EIF2B3: variants seen among roughly 807,000 people sequenced by gnomAD.
The protein encoded by EIF2B3 is translation initiation factor eIF2B subunit gamma.
A neutral mutation model predicts 54.1 loss-of-function variants in EIF2B3; 20 were observed. The ratio of observed to expected loss-of-function variants is 0.37; its 90% CI spans 0.26 to 0.54. The LOEUF (loss-of-function observed/expected upper bound fraction) is 0.54. EIF2B3 is among the 20% of genes least tolerant of loss of function. The pLI is 0.86. For missense variants in EIF2B3, 448 were observed against 547.8 expected (o/e 0.82, Z 1.82); for synonymous variants, 153 against 188.1 (o/e 0.81, Z 1.52).
intron 3 of EIF2B3, among the ~76,000 whole-genome samples, chr1:44,977,951 C>T (rs1443794183): frequency 6.6e-6 from 1 of 152,096 alleles, no homozygotes; most frequent in Non-Finnish European, 1.5e-5. Context: ...AACTATAATG[C>T]ACTGGGGGCC....
chr1:44,879,769 G>A, intron 8 of EIF2B3, 49 bp downstream of exon 8: 4 of 1,590,054 alleles, frequency 2.5e-6, no homozygotes, highest in Non-Finnish European at 3.4e-6. Flanking sequence ...AAGTGGCTCA[G>A]TCTGTTTCTA....
intron 1 of EIF2B3, among the ~76,000 whole-genome samples, chr1:44,984,585 G>C (rs529481582): frequency 6.6e-6 from 1 of 152,088 alleles, no homozygotes. Context: ...GAAGCCTGGT[G>C]GTTAGGTTCA....
At chr1:44,918,826 G>A (rs1627320) in intron 5 of EIF2B3, among the ~76,000 whole-genome samples, 4 of 151,908 alleles carry the variant, frequency 2.6e-5, no homozygotes, top group Non-Finnish European at 1.5e-5. Flanking sequence ...TTCCTTATGC[G>A]TTTTACCTTC....
chr1:44,927,088 C>G lies in EIF2B3; in HGVS notation c.455-349G>C, dbSNP rs75108207. ...GGTGGAGGTTGCAGTGAGCTGAGAT[C>G]GTGCCACTGTAGTGCACTCCAGCTT... On this transcript the variant is annotated intron_variant, in intron 4 of 11. Transcript: ENST00000360403. Among the ~76,000 whole-genome samples, 42 of 151,314 alleles carry G rather than the reference C, an allele frequency of 2.8e-4. 2 individuals are homozygous for G. In the East Asian group the frequency reaches 5.0e-3, roughly 18 times the overall value.
At chr1:44,930,961 A>C (rs1405055205) in intron 4 of EIF2B3, among the ~76,000 whole-genome samples, 1 of 152,190 alleles carries the variant, frequency 6.6e-6, no homozygotes. Flanking sequence ...TAATGAGCCC[A>C]GTTACAGGAG....
chr1:44,923,864 T>C (rs766985369), intron 5 of EIF2B3, among the ~76,000 whole-genome samples: 7 of 151,656 alleles, frequency 4.6e-5, no homozygotes, highest in Non-Finnish European at 8.8e-5. Flanking sequence ...AGTGCAGTAG[T>C]ACAATCATGG....
At chr1:44,896,743 G>A (rs1276425609) in intron 6 of EIF2B3, among the ~76,000 whole-genome samples, 1 of 152,144 alleles carries the variant, frequency 6.6e-6, no homozygotes, top group Non-Finnish European at 1.5e-5. Context: ...TGCAAAAGGG[G>A]TTTTCTCTTT....
At chr1:44,974,958 T>G (rs991331336) in intron 3 of EIF2B3, among the ~76,000 whole-genome samples, 1 of 151,802 alleles carries the variant, frequency 6.6e-6, no homozygotes, top group Non-Finnish European at 1.5e-5. Flanking sequence ...CTCATGCCTG[T>G]TATCCCAGCA....
Position 44,926,652 on chromosome 1 carries a change from A to G in EIF2B3, c.542T>C (p.Val181Ala). The G allele has an allele frequency of 1.2e-6, 2 of 1,613,980 alleles. No homozygotes were observed. Among genetic ancestry groups the G allele is most frequent in the Non-Finnish European group, 1.7e-6 (2 of 1,179,966 alleles). Residue 181 changes from valine (V) to alanine (A), a missense_variant, in exon 5 of 12, where the codon GTC (valine) becomes GCC (alanine). By Grantham distance (64) the Val-to-Ala change is moderately conservative (BLOSUM62 0). This residue lies in a region of EIF2B3 where 350 missense variants were observed against 414.2 expected (regional missense o/e 0.85). Transcript: ENST00000360403. ...CTTCTGTAGGATGGATCCCTTAATG[A>G]CCAGCTCTTCATCCAAGTCTGCTTC... ...ANEADLDEELVIKGSILQKHP... is the reference protein window; with the variant it reads ...ANEADLDEELAIKGSILQKHP...
chr1:44,935,702 T>C (rs1643939914), intron 4 of EIF2B3, among the ~76,000 whole-genome samples: 2 of 152,200 alleles, frequency 1.3e-5, no homozygotes, highest in African/African-American at 4.8e-5. Flanking sequence ...GGTTTCACCA[T>C]GTTGGTCAGG....
At position 44,875,712 on chromosome 1, in the gene EIF2B3, T is replaced by C; in HGVS notation, c.976-17A>G. 6.2e-7 allele frequency: 1 copy of C among 1,611,798 alleles called. No individual in the cohort carries two copies. Among genetic ancestry groups the C allele is most frequent in the Non-Finnish European group, 8.5e-7 (1 of 1,177,866 alleles). ...TTTGGGCACCTTAAGGACAGAGATT[T>C]GGTCACTAAAGATCAGAAAACACCT... is the stretch of plus-strand genomic sequence containing the variant. On this transcript the variant is annotated splice_polypyrimidine_tract_variant and intron_variant, in intron 8 of 11. Coordinates refer to ENST00000360403, the MANE Select transcript of EIF2B3 (RefSeq NM_020365.5).
intron 5 of EIF2B3, among the ~76,000 whole-genome samples, chr1:44,898,424 G>C (rs1294347512): frequency 6.6e-6 from 1 of 152,106 alleles, no homozygotes; most frequent in Non-Finnish European, 1.5e-5. Context: ...TTAGCACTTA[G>C]CATTGTGCCT....
chr1:44,899,482 CA>C (rs2148915690), intron 5 of EIF2B3, among the ~76,000 whole-genome samples: 1 of 152,104 alleles, frequency 6.6e-6, no homozygotes, highest in Non-Finnish European at 1.5e-5. Flanking sequence ...AATCAACAAG[CA>C]AAAAACAACC....
chr1:44,886,784 T>G (rs1435692848), intron 6 of EIF2B3, among the ~76,000 whole-genome samples: 1 of 152,256 alleles, frequency 6.6e-6, no homozygotes, highest in Non-Finnish European at 1.5e-5. Context: ...TCACTTCCTT[T>G]TTTTGTCTAA....
chr1:44,979,329 T>C (rs1244662756), intron 2 of EIF2B3, among the ~76,000 whole-genome samples: 1 of 151,006 alleles, frequency 6.6e-6, no homozygotes, highest in African/African-American at 2.4e-5. Context: ...CACTTCTCCT[T>C]GATATGAAGA....
At chr1:44,971,523 T>C (rs1303832273) in intron 3 of EIF2B3, among the ~76,000 whole-genome samples, 2 of 152,184 alleles carry the variant, frequency 1.3e-5, no homozygotes, top group African/African-American at 4.8e-5. Flanking sequence ...TTAGAGGAAC[T>C]TATTTGCCTG....
rs1276757713 is a variant in EIF2B3 at position 44,902,463 on chromosome 1, C to T, written c.567-5019G>A. On this transcript the variant is annotated intron_variant, in intron 5 of 11. Transcript: ENST00000360403. ...GAGCTATGATTGCACTACTGCACCC[C>T]AGCACCTAGGCGACTAAGCAAGACC... 2.0e-5 allele frequency among the ~76,000 whole-genome samples: 3 copies of T among 151,768 alleles called. No individual in the cohort carries two copies. In the East Asian group the frequency reaches 5.8e-4, roughly 29 times the overall value.
At chr1:44,915,812 CAAAAGAA>C (rs1028514952) in intron 5 of EIF2B3, among the ~76,000 whole-genome samples, 6 of 151,394 alleles carry the variant, frequency 4.0e-5, no homozygotes, top group Non-Finnish European at 7.4e-5. Flanking sequence ...TGGTATTTAA[CAAAAGAA>C]AAAAGAAAAA....
chr1:44,869,491 C>A (rs989872526), intron 10 of EIF2B3, among the ~76,000 whole-genome samples: 11 of 147,848 alleles, frequency 7.4e-5, no homozygotes, highest in African/African-American at 2.8e-4. Context: ...AAAAAAAAAG[C>A]TTTATATTTA....
Sources: gnomAD v4.1 joint callset for allele counts (sites outside exome capture counted in the v4.1 genomes callset) on GRCh38, gnomAD v4.1.1 for gene constraint, gnomAD v4.1.1 regional missense constraint, MANE v1.5 for transcripts, NCBI Gene and HGNC (gene_info 2026-07-23, HGNC 2026-07-21) for gene names.